The following IL23R variants were observed in gnomAD, a reference collection of about 807,000 sequenced individuals.
IL23R encodes the protein interleukin-23 receptor.
A neutral mutation model predicts 56.9 loss-of-function variants in IL23R; 34 were observed. That is an observed-to-expected ratio of 0.60 (90% CI 0.45 to 0.80). The LOEUF (loss-of-function observed/expected upper bound fraction) is 0.80, where lower values mean the gene tolerates loss of function less well. Ranked by LOEUF, IL23R falls within the 30% of genes least tolerant of loss-of-function variation. The pLI is 0.00. For synonymous variants in IL23R, 230 were observed against 249.2 expected, an observed-to-expected ratio of 0.92 and a Z score of 0.73; for missense variants, 635 against 730.0, an observed-to-expected ratio of 0.87 and a Z score of 1.50.
chr1:67,151,864 G>T (rs1394768703), intron 1 of IL23R, among the ~76,000 whole-genome samples: 1 of 152,154 alleles, frequency 6.6e-6, no homozygotes, highest in Admixed American at 6.5e-5. Context: ...GGTTACTGCA[G>T]CCTTGTAGTG....
chr1:67,157,177 G>A (rs987936617), intron 1 of IL23R, among the ~76,000 whole-genome samples: 2 of 152,164 alleles, frequency 1.3e-5, no homozygotes, highest in Non-Finnish European at 2.9e-5. Context: ...AGTTGCAAAT[G>A]CAGAAATCAC....
In IL23R at chr1:67,219,676, A is replaced by G; in HGVS notation, c.901A>G (p.Lys301Glu). 1 of 1,614,002 alleles carries G rather than the reference A, an allele frequency of 6.2e-7. No individual in the cohort carries two copies. Among genetic ancestry groups the G allele is most frequent in the Non-Finnish European group, 8.5e-7 (1 of 1,179,848 alleles). Reference protein sequence around the residue: ...VFQVRCQETGKRYWQPWSSLF... With the variant: ...VFQVRCQETGERYWQPWSSLF... ...TCAAGTGAGATGTCAAGAAACAGGC[A>G]AAAGGTACTGGCAGCCTTGGAGTTC... Residue 301 changes from lysine (K) to glutamate (E), a missense_variant, in exon 7 of 11, where the codon AAA (lysine) becomes GAA (glutamate). Physicochemically the swap from Lys to Glu is moderately conservative, Grantham distance 56. Coordinates refer to ENST00000347310, the MANE Select transcript of IL23R (RefSeq NM_144701.3).
chr1:67,210,734 A>G (rs1250622389), intron 6 of IL23R, among the ~76,000 whole-genome samples: 1 of 152,028 alleles, frequency 6.6e-6, no homozygotes, highest in Middle Eastern at 3.2e-3. Flanking sequence ...CAGCCTCCCA[A>G]AGTGCTAGGA....
intron 9 of IL23R, among the ~76,000 whole-genome samples, chr1:67,254,394 CA>C (rs1361651149): frequency 8.5e-5 from 11 of 129,468 alleles, no homozygotes; most frequent in African/African-American, 3.5e-4. Flanking sequence ...ATAATAAAAC[CA>C]AAAGTGGGTA....
At chr1:67,146,713 T>C (rs1002559797) in intron 1 of IL23R, among the ~76,000 whole-genome samples, 5 of 152,218 alleles carry the variant, frequency 3.3e-5, no homozygotes, top group African/African-American at 1.2e-4. Context: ...ATATGAACCC[T>C]ACCAGATCTT....
chr1:67,162,552 T>C (rs143245579), upstream of IL23R, among the ~76,000 whole-genome samples: 160 of 152,282 alleles, frequency 1.1e-3, no homozygotes, highest in Non-Finnish European at 1.7e-3. Flanking sequence ...GATTCAGAGA[T>C]CCAAAATGGG....
At chr1:67,216,459 G>T (rs1178900711) in intron 6 of IL23R, among the ~76,000 whole-genome samples, 1 of 152,102 alleles carries the variant, frequency 6.6e-6, no homozygotes, top group Non-Finnish European at 1.5e-5. Context: ...CTACACCAGG[G>T]TCTCAGCAAA....
At chr1:67,205,855 G>C (rs1648965575) in intron 5 of IL23R, among the ~76,000 whole-genome samples, 2 of 148,880 alleles carry the variant, frequency 1.3e-5, no homozygotes, top group Admixed American at 6.8e-5. Flanking sequence ...TGTGATAAAA[G>C]ATCTGAATTG....
chr1:67,144,328 T>C (rs1218740924), intron 1 of IL23R, among the ~76,000 whole-genome samples: 2 of 152,236 alleles, frequency 1.3e-5, no homozygotes, highest in Admixed American at 6.5e-5. Flanking sequence ...CTGATTTGTC[T>C]CTTTTATATT....
At chr1:67,228,001 TCTTTCTTTCTTTCTTTCTTC>T (rs1650775220) in intron 7 of IL23R, among the ~76,000 whole-genome samples, 8 of 103,082 alleles carry the variant, frequency 7.8e-5, no homozygotes, top group South Asian at 5.0e-4. Flanking sequence ...TTTCTTTCTT[TCTTTCTTTCTTTCTTTCTTC>T]CTTTCTTTCT....
At chr1:67,189,809 A>G (rs947653128) in intron 4 of IL23R, among the ~76,000 whole-genome samples, 40 of 152,200 alleles carry the variant, frequency 2.6e-4, no homozygotes, top group African/African-American at 9.6e-4. Flanking sequence ...AAATACAAAA[A>G]CTAGCCAGGC....
rs189183258 is a variant in IL23R at position 67,240,100 on chromosome 1, C to T, written c.1046-79C>T. The T allele has an allele frequency of 1.8e-5, 19 of 1,031,036 alleles. No homozygotes were observed. In the Admixed American group the frequency reaches 3.4e-4, roughly 18 times the overall value. 63.9% of individuals were successfully genotyped at this position (1,031,036 alleles called of 1,614,324 possible). Reference sequence around the variant, plus strand: ...TCTCCTTTGAGACCTTTGCTTTGAGCAGAGTAAAGAGAATAGTAATTCTGG... The same window carrying T: ...TCTCCTTTGAGACCTTTGCTTTGAGTAGAGTAAAGAGAATAGTAATTCTGG... On this transcript the variant is annotated intron_variant, in intron 8 of 10. Coordinates refer to ENST00000347310, the MANE Select transcript of IL23R (RefSeq NM_144701.3).
chr1:67,224,751 T>A (rs1416848709), intron 7 of IL23R, among the ~76,000 whole-genome samples: 1 of 152,204 alleles, frequency 6.6e-6, no homozygotes, highest in Non-Finnish European at 1.5e-5. Flanking sequence ...TCCTCCAGAA[T>A]ACCCATTTAT....
chr1:67,246,830 A>G (rs1652258337), intron 9 of IL23R, among the ~76,000 whole-genome samples: 2 of 152,136 alleles, frequency 1.3e-5, no homozygotes, highest in African/African-American at 2.4e-5. Context: ...TATAGGTCCC[A>G]CTTGGTCCAG....
At chr1:67,231,298 T>C (rs1396108220) in intron 7 of IL23R, among the ~76,000 whole-genome samples, 1 of 152,216 alleles carries the variant, frequency 6.6e-6, no homozygotes, top group Non-Finnish European at 1.5e-5. Context: ...AGGAAATTTA[T>C]GTACAATGAT....
chr1:67,263,666 T>C (rs943266077), downstream of IL23R, among the ~76,000 whole-genome samples: 3 of 152,180 alleles, frequency 2.0e-5, no homozygotes, highest in Non-Finnish European at 4.4e-5. Context: ...ATTTCAACAC[T>C]TTGGGAGGCT....
chr1:67,210,426 A>G (rs1013979619), intron 6 of IL23R, among the ~76,000 whole-genome samples: 1 of 152,000 alleles, frequency 6.6e-6, no homozygotes, highest in Non-Finnish European at 1.5e-5. Context: ...TAATTAAGAA[A>G]TAGTTTCTGG....
At chr1:67,161,998 C>A (rs72676058), upstream of IL23R, among the ~76,000 whole-genome samples, 42,842 of 151,670 alleles carry the variant, frequency 0.28, 6,482 homozygotes, top group Admixed American at 0.41. Context: ...ATTTCAAAGA[C>A]GAAAAAACTA....
upstream of IL23R, among the ~76,000 whole-genome samples, chr1:67,165,149 C>T (rs1228735668): frequency 2.0e-5 from 3 of 152,130 alleles, no homozygotes; most frequent in Non-Finnish European, 2.9e-5. Context: ...GCAGAGGTTG[C>T]AGTGAGCCGT....
Sources: gnomAD v4.1 joint callset for allele counts (sites outside exome capture counted in the v4.1 genomes callset) on GRCh38, gnomAD v4.1.1 for gene constraint, MANE v1.5 for transcripts, NCBI Gene and HGNC (gene_info 2026-07-23, HGNC 2026-07-21) for gene names.